The following UBXN4 variants were observed in gnomAD, a reference collection of about 807,000 sequenced individuals.
UBXN4 encodes UBX domain-containing protein 4.
A neutral mutation model predicts 66.2 loss-of-function variants in UBXN4; 35 were observed. The observed-to-expected ratio is 0.53, with a 90% confidence interval of 0.40 to 0.70. UBXN4 has a LOEUF of 0.70. Ranked by LOEUF, UBXN4 falls within the 30% of genes least tolerant of loss-of-function variation. The pLI is 0.00. For missense variants in UBXN4, 533 were observed against 599.8 expected (o/e 0.89, Z 1.16); for synonymous variants, 203 against 204.5 (o/e 0.99, Z 0.06).
At chr2:135,751,462 A>G (rs2077241659) in intron 2 of UBXN4, among the ~76,000 whole-genome samples, 1 of 151,906 alleles carries the variant, frequency 6.6e-6, no homozygotes. Context: ...TGCTGGGATT[A>G]CAGGTGTGAG....
At chr2:135,758,987 G>A (rs569185506) in intron 5 of UBXN4, among the ~76,000 whole-genome samples, 1 of 152,288 alleles carries the variant, frequency 6.6e-6, no homozygotes, top group African/African-American at 2.4e-5. Context: ...TCGAACTCCT[G>A]ACCTCAGGTG....
chr2:135,773,798 T>C (rs933266184), intron 9 of UBXN4, among the ~76,000 whole-genome samples: 2 of 152,168 alleles, frequency 1.3e-5, no homozygotes, highest in East Asian at 1.9e-4. Context: ...AAAATAATTT[T>C]CCAAAAATAA....
At chr2:135,778,917 A>G in intron 10 of UBXN4, 31 bp from the exon 11 acceptor site, 1 of 1,568,638 alleles carries the variant, frequency 6.4e-7, no homozygotes, top group South Asian at 1.2e-5. Flanking sequence ...TTTTAAAGGC[A>G]CTCTTTAAGT....
rs565700579 is a variant in UBXN4 at position 135,782,741 on chromosome 2, C to T, written c.1389-8C>T. On this transcript the variant is annotated splice_region_variant and splice_polypyrimidine_tract_variant and intron_variant, in intron 12 of 12. Coordinates refer to ENST00000272638, the MANE Select transcript of UBXN4 (RefSeq NM_014607.4). ...CATCTTCCCCTTGCTCCCTCTTTTTCGTATCAGGGAACCAGTGAGAAAAAG... is the reference window on the plus strand; with the variant it reads ...CATCTTCCCCTTGCTCCCTCTTTTTTGTATCAGGGAACCAGTGAGAAAAAG... 5.0e-6 allele frequency: 8 copies of T among 1,605,958 alleles called. No homozygotes were observed. Among genetic ancestry groups the T allele is most frequent in the Admixed American group, 3.5e-5 (2 of 57,402 alleles).
chr2:135,745,260 C>T (rs1010618887), intron 1 of UBXN4, among the ~76,000 whole-genome samples: 7 of 150,168 alleles, frequency 4.7e-5, no homozygotes, highest in Non-Finnish European at 3.0e-5. Context: ...CATTCCAAAT[C>T]ACATAGGCCT....
At position 135,776,461 on chromosome 2, in the gene UBXN4, G is replaced by A. The variant is rs2077415261; in HGVS notation, c.1053+110G>A. The A allele has an allele frequency of 3.1e-5, 27 of 875,162 alleles. No individual in the cohort carries two copies. In the South Asian group the frequency reaches 4.6e-4, roughly 15 times the overall value. 54.2% of individuals were successfully genotyped at this position (875,162 alleles called of 1,614,324 possible). A position where few individuals can be genotyped will look rare whatever the true frequency, so the allele number is the denominator to read the frequency against. ...ATGTGAGTGAATTGTGACCTCTCCA[G>A]GAGGGAGGCACAAGACGCCTCTGAG... is the stretch of plus-strand genomic sequence containing the variant. On this transcript the variant is annotated intron_variant, in intron 10 of 12. Coordinates refer to ENST00000272638, the MANE Select transcript of UBXN4 (RefSeq NM_014607.4).
rs796522143 is a variant in UBXN4 at position 135,759,686 on chromosome 2, C to T, written c.509-2132C>T. 1.7e-4 allele frequency among the ~76,000 whole-genome samples: 26 copies of T among 151,606 alleles called. 1 individual carries two copies. Among genetic ancestry groups the T allele is most frequent in the Middle Eastern group, 3.4e-3 (1 of 292 alleles). On this transcript the variant is annotated intron_variant, in intron 5 of 12. Transcript: ENST00000272638. ...CCAGTTGGCTTTTTAAGCCTAAAGGCGGAACTTCTCAATACATTTTTATTA... is the reference window on the plus strand; with the variant it reads ...CCAGTTGGCTTTTTAAGCCTAAAGGTGGAACTTCTCAATACATTTTTATTA...
At chr2:135,769,888 A>G (rs1175466791) in intron 7 of UBXN4, 65 bp downstream of exon 7, 4 of 1,004,268 alleles carry the variant, frequency 4.0e-6, no homozygotes, top group African/African-American at 3.0e-5. Context: ...TGATTATTCT[A>G]TTCAGTGTGG....
At chr2:135,751,245 A>G (rs1270255728) in intron 2 of UBXN4, among the ~76,000 whole-genome samples, 3 of 144,076 alleles carry the variant, frequency 2.1e-5, no homozygotes, top group Middle Eastern at 4.1e-3. Flanking sequence ...GGAGTGCAGT[A>G]ACGTGATCTT....
chr2:135,780,021 TTATA>T (rs1201581279), intron 11 of UBXN4, 158 bp from the exon 12 acceptor site: 2 of 596,674 alleles, frequency 3.4e-6, no homozygotes, highest in Non-Finnish European at 5.8e-6. Flanking sequence ...CTTCAGAAGT[TTATA>T]TATACGTGAA....
intron 1 of UBXN4, chr2:135,742,883 G>C (rs2077185450): frequency 6.6e-6 from 1 of 151,322 alleles, no homozygotes; most frequent in East Asian, 2.0e-4. Flanking sequence ...TGTCTTCTTA[G>C]GCTAAAATCT....
At chr2:135,742,677 C>T (rs955232869) in intron 1 of UBXN4, 5 of 152,236 alleles carry the variant, frequency 3.3e-5, no homozygotes, top group African/African-American at 1.2e-4. Flanking sequence ...CGATAAGCAA[C>T]AAAGAGAAAC....
chr2:135,742,145 C>A, intron 1 of UBXN4, 134 bp downstream of exon 1: 2 of 1,047,616 alleles, frequency 1.9e-6, no homozygotes, highest in Non-Finnish European at 2.7e-6. Flanking sequence ...GCCACTACTA[C>A]CCCGCGCCCC....
intron 4 of UBXN4, among the ~76,000 whole-genome samples, chr2:135,754,511 CAG>C (rs2077267659): frequency 6.6e-6 from 1 of 152,014 alleles, no homozygotes; most frequent in South Asian, 2.1e-4. Context: ...TTAGTAGAGA[CAG>C]GGTTTCACCA....
At chr2:135,771,783 G>A (rs2077385428) in intron 8 of UBXN4, among the ~76,000 whole-genome samples, 1 of 152,036 alleles carries the variant, frequency 6.6e-6, no homozygotes. Context: ...GGCTGGTCTG[G>A]AACTCCTGAC....
At chr2:135,748,475 C>A in intron 2 of UBXN4, 106 bp downstream of exon 2, 1 of 817,510 alleles carries the variant, frequency 1.2e-6, no homozygotes, top group Non-Finnish European at 1.7e-6. Context: ...GGGCTGGGCA[C>A]TCCCAGCACT....
chr2:135,761,653 C>T (rs1171487388), intron 5 of UBXN4, among the ~76,000 whole-genome samples, 165 bp from the exon 6 acceptor site: 1 of 152,164 alleles, frequency 6.6e-6, no homozygotes, highest in Non-Finnish European at 1.5e-5. Context: ...CACGTCTAAA[C>T]TTTAGGATTA....
chr2:135,778,049 C>T (rs1323476950), intron 10 of UBXN4, among the ~76,000 whole-genome samples: 4 of 151,616 alleles, frequency 2.6e-5, no homozygotes, highest in Admixed American at 1.3e-4. Context: ...TGGTGGCGGG[C>T]GTCTGTAGTC....
Position 135,780,354 on chromosome 2 carries a change from A to T in UBXN4, c.1357A>T (p.Asn453Tyr), listed in dbSNP as rs1273794906. 1 of 1,614,068 alleles carries T rather than the reference A, an allele frequency of 6.2e-7. No homozygotes were observed. The highest frequency in any genetic ancestry group is 8.5e-7 in the Non-Finnish European group (1 of 1,180,028). ...GAGAGTAACATCGTCAGAACCCCCA[A>T]ACCCTGCATCATCTAGCAAATCAGA... ...SVRVTSSEPP[N>Y]PASSSKSEKR... Residue 453 changes from asparagine to tyrosine, a missense_variant, in exon 12 of 13, where the codon AAC becomes TAC. Physicochemically the swap from Asn to Tyr is moderately radical, Grantham distance 143. Around this residue, in one of 2 missense-constraint regions of UBXN4, gnomAD observed 529 missense variants for 580.1 expected, o/e 0.91. Coordinates refer to ENST00000272638, the MANE Select transcript of UBXN4 (RefSeq NM_014607.4).
Sources: allele counts gnomAD v4.1 joint callset (sites outside exome capture counted in the v4.1 genomes callset), GRCh38; gene constraint gnomAD v4.1.1; regional missense constraint gnomAD v4.1.1; transcripts MANE v1.5; gene names NCBI Gene and HGNC (gene_info 2026-07-23, HGNC 2026-07-21).